RPS29: variants seen among roughly 807,000 people sequenced by gnomAD.
RPS29 encodes small ribosomal subunit protein uS14.
For missense variants in RPS29, 60 were observed against 75.7 expected (o/e 0.79, Z 0.77); for synonymous variants, 37 against 26.9 (o/e 1.37, Z -1.16).
intron 1 of RPS29, among the ~76,000 whole-genome samples, chr14:49,596,764 G>A (rs764584427): frequency 4.8e-5 from 7 of 146,006 alleles, no homozygotes; most frequent in Non-Finnish European, 9.0e-5. Context: ...CCAAATAAAG[G>A]ACTGAGATTG....
At chr14:49,598,159 A>G in intron 1 of RPS29, 1 of 480,852 alleles carries the variant, frequency 2.1e-6, no homozygotes, top group East Asian at 3.3e-5. Context: ...TGTTTAATAT[A>G]CGGCTAGGAT....
exon 3 of RPS29, chr14:49,576,579 G>A (rs1214593267): frequency 6.6e-6 from 1 of 152,148 alleles, no homozygotes; most frequent in Non-Finnish European, 1.5e-5. Flanking sequence ...TATGCAAGCA[G>A]GCTGCTTTAA....
chr14:49,591,179 A>C (rs1165769125), upstream of RPS29, among the ~76,000 whole-genome samples: 1 of 152,236 alleles, frequency 6.6e-6, no homozygotes, highest in Non-Finnish European at 1.5e-5. Context: ...ACATACATAC[A>C]TGCATACATT....
intron 2 of RPS29, among the ~76,000 whole-genome samples, chr14:49,584,155 T>C (rs183764530): frequency 6.6e-6 from 1 of 152,340 alleles, no homozygotes; most frequent in East Asian, 1.9e-4. Flanking sequence ...CTAATTTTTG[T>C]AGAAACAGGT....
exon 1 of RPS29, chr14:49,598,508 A>G: frequency 1.4e-6 from 1 of 702,354 alleles, no homozygotes; most frequent in South Asian, 1.5e-5. Context: ...CACCAAAACC[A>G]CCAGCAGCCC....
At chr14:49,584,824 A>G (rs1425565178) in intron 2 of RPS29, among the ~76,000 whole-genome samples, 1 of 152,172 alleles carries the variant, frequency 6.6e-6, no homozygotes, top group Non-Finnish European at 1.5e-5. Flanking sequence ...ATAATTGATC[A>G]GAAAGCTGGT....
chr14:49,580,668 T>C (rs751937575), downstream of RPS29, among the ~76,000 whole-genome samples: 3 of 151,742 alleles, frequency 2.0e-5, no homozygotes, highest in Non-Finnish European at 4.4e-5. Context: ...GGTCAGGAGT[T>C]CAAAAGCAGC....
chr14:49,586,383 G>A (rs746065898), upstream of RPS29: 6 of 1,579,408 alleles, frequency 3.8e-6, no homozygotes, highest in Admixed American at 6.7e-5. Context: ...AAAGGAAGAA[G>A]CTGGCCCACG....
intron 1 of RPS29, chr14:49,598,307 T>G: frequency 1.6e-6 from 1 of 607,184 alleles, no homozygotes; most frequent in Admixed American, 2.9e-5. Flanking sequence ...GTTCAATCAA[T>G]CAAGAAAATC....
chr14:49,591,352 A>G (rs1881705692), upstream of RPS29, among the ~76,000 whole-genome samples: 1 of 151,986 alleles, frequency 6.6e-6, no homozygotes, highest in Non-Finnish European at 1.5e-5. Context: ...CCCAGGCTGG[A>G]GGGCAATGGT....
intron 1 of RPS29, 39 bp from the exon 2 acceptor site, chr14:49,586,088 A>G: frequency 1.3e-6 from 2 of 1,564,398 alleles, no homozygotes; most frequent in Non-Finnish European, 1.8e-6. Context: ...GGTCATAGAA[A>G]TTACAAGACT....
At chr14:49,583,788 A>C in intron 2 of RPS29, 113 bp from the exon 3 acceptor site, 1 of 638,698 alleles carries the variant, frequency 1.6e-6, no homozygotes, top group Non-Finnish European at 2.8e-6. Flanking sequence ...TGGACCTTTG[A>C]CCTATCCAAA....
chr14:49,581,859 C>A (rs1302067503), downstream of RPS29, among the ~76,000 whole-genome samples: 1 of 151,882 alleles, frequency 6.6e-6, no homozygotes, highest in Non-Finnish European at 1.5e-5. Context: ...CCCGTCTCTA[C>A]TAAAAACACA....
chr14:49,598,384 C>T (rs2139526164), intron 1 of RPS29: 1 of 675,990 alleles, frequency 1.5e-6, no homozygotes, highest in East Asian at 2.7e-5. Flanking sequence ...AAGCCAGTCA[C>T]ACTCCATCCA....
At chr14:49,576,391 C>A (rs1881181217) in exon 3 of RPS29, 1 of 152,094 alleles carries the variant, frequency 6.6e-6, no homozygotes, top group African/African-American at 2.4e-5. Flanking sequence ...GCATGAGCCA[C>A]TTTGCCTGGC....
chr14:49,577,793 A>G (rs1594567110), exon 3 of RPS29: 3 of 1,601,324 alleles, frequency 1.9e-6, no homozygotes, highest in Middle Eastern at 1.7e-4. Context: ...CAGGATGGCC[A>G]TGATGGAGGA....
At chr14:49,578,572 T>TTTTC (rs1468271940) in intron 2 of RPS29, among the ~76,000 whole-genome samples, 1 of 145,380 alleles carries the variant, frequency 6.9e-6, no homozygotes, top group Non-Finnish European at 1.5e-5. Flanking sequence ...TTTTTTTTTT[T>TTTTC]TTTTTTGAGA....
chr14:49,586,417 A>C (rs1398525209), upstream of RPS29: 61 of 1,381,128 alleles, frequency 4.4e-5, no homozygotes, highest in Non-Finnish European at 4.5e-5. Flanking sequence ...AATTTTTGAG[A>C]CAGTTTACCC....
upstream of RPS29, chr14:49,586,384 C>T (rs79390224): frequency 7.0e-6 from 11 of 1,579,904 alleles, no homozygotes; most frequent in Admixed American, 1.7e-5. Flanking sequence ...AAGGAAGAAG[C>T]TGGCCCACGC....
Sources: gnomAD v4.1 joint callset for allele counts (sites outside exome capture counted in the v4.1 genomes callset) on GRCh38, gnomAD v4.1.1 for gene constraint, MANE v1.5 for transcripts, NCBI Gene and HGNC (gene_info 2026-07-23, HGNC 2026-07-21) for gene names.